KDM1A: variants seen among roughly 807,000 people sequenced by gnomAD.
KDM1A encodes the protein lysine demethylase 1A.
KDM1A carries 49 observed loss-of-function variants against 109.4 expected under a neutral mutation model. The observed-to-expected ratio is 0.45, with a 90% CI of 0.36 to 0.57. KDM1A has a LOEUF of 0.57. Among genes scored for constraint, KDM1A ranks in the 20% least tolerant of loss-of-function variants. KDM1A has a pLI of 0.00. For missense variants in KDM1A, 668 were observed against 1,116.6 expected, an observed-to-expected ratio of 0.60 and a Z score of 5.73; for synonymous variants, 380 against 415.4, an observed-to-expected ratio of 0.91 and a Z score of 1.04.
chr1:23,023,943 A>G (rs1641718805), intron 1 of KDM1A, among the ~76,000 whole-genome samples: 1 of 152,156 alleles, frequency 6.6e-6, no homozygotes, highest in African/African-American at 2.4e-5. Flanking sequence ...TCAACCTCCC[A>G]GGCTCAAGTG....
intron 9 of KDM1A, among the ~76,000 whole-genome samples, chr1:23,063,489 C>G (rs1439613023): frequency 6.6e-6 from 1 of 152,162 alleles, no homozygotes; most frequent in African/African-American, 2.4e-5. Flanking sequence ...GCTTTTGACA[C>G]AGGTCTGTTG....
At chr1:23,064,108 C>CA (rs1643095126) in intron 9 of KDM1A, among the ~76,000 whole-genome samples, 1 of 152,188 alleles carries the variant, frequency 6.6e-6, no homozygotes, top group Non-Finnish European at 1.5e-5. Context: ...AGGCTGGTCT[C>CA]AAACTCCTGG....
At chr1:23,020,122 GTC>G in intron 1 of KDM1A, 175 bp downstream of exon 1, 1 of 661,760 alleles carries the variant, frequency 1.5e-6, no homozygotes, top group Non-Finnish European at 2.2e-6. Flanking sequence ...GAAAGGAAAA[GTC>G]TTTGCCGGTG....
chr1:23,046,064 G>A (rs1353444418), intron 3 of KDM1A, among the ~76,000 whole-genome samples: 2 of 152,100 alleles, frequency 1.3e-5, no homozygotes, highest in African/African-American at 2.4e-5. Context: ...AGGTCATCTT[G>A]TCTAACTTCC....
Position 23,040,662 on chromosome 1 carries a change from C to G in KDM1A, c.518-3765C>G, listed in dbSNP as rs533991195. On this transcript the variant is annotated intron_variant, in intron 2 of 20. Coordinates refer to ENST00000400181, the MANE Select transcript of KDM1A (RefSeq NM_001009999.3). Reference sequence around the variant, plus strand: ...AATTAGCCAGGTATGGTGGTACATGCCTGTAGTCCTAGCTACTCAGGAGGC... The same window carrying G: ...AATTAGCCAGGTATGGTGGTACATGGCTGTAGTCCTAGCTACTCAGGAGGC... Among the ~76,000 whole-genome samples, 3 of 152,006 alleles carry G rather than the reference C, an allele frequency of 2.0e-5. No individual in the cohort carries two copies. In the South Asian group the frequency reaches 6.3e-4, roughly 32 times the overall value.
intron 7 of KDM1A, 86 bp downstream of exon 7, chr1:23,056,124 A>G (rs1321615844): frequency 5.7e-6 from 5 of 880,404 alleles, no homozygotes; most frequent in Non-Finnish European, 9.4e-6. Context: ...GAATTATACA[A>G]CTTGAACTAA....
At chr1:23,061,776 C>T (rs1419339681) in intron 9 of KDM1A, among the ~76,000 whole-genome samples, 1 of 152,026 alleles carries the variant, frequency 6.6e-6, no homozygotes, top group African/African-American at 2.4e-5. Flanking sequence ...CGTGCCTCAG[C>T]CTCCTGAGTA....
rs545399586 is a variant in KDM1A at position 23,049,087 on chromosome 1, G to C, written c.578-1300G>C. On this transcript the variant is annotated intron_variant, in intron 3 of 20. Transcript: ENST00000400181. The stretch of plus-strand genomic sequence containing the variant: ...GAATCGCCTGAACCCAGAAGGCAGA[G>C]GTTGCAGTGAGCCGAGATCGCGCTA... Among the ~76,000 whole-genome samples the C allele has an allele frequency of 9.4e-5, 14 of 149,176 alleles. No homozygotes were observed. The South Asian group carries it at 3.0e-3, about 32-fold the overall frequency.
intron 12 of KDM1A, among the ~76,000 whole-genome samples, chr1:23,070,822 A>C (rs984405856): frequency 1.7e-4 from 26 of 152,190 alleles, no homozygotes; most frequent in East Asian, 3.9e-4. Context: ...AAAAAAAACA[A>C]ACACACACAT....
At chr1:23,062,688 G>C (rs1262741349) in intron 9 of KDM1A, among the ~76,000 whole-genome samples, 1 of 152,130 alleles carries the variant, frequency 6.6e-6, no homozygotes, top group South Asian at 2.1e-4. Context: ...TCCTACATTT[G>C]TAGCTAGTAT....
At chr1:23,063,207 TGTGGTGTGGGGTGGGTGTGTGTGG>T (rs1643056902) in intron 9 of KDM1A, among the ~76,000 whole-genome samples, 1 of 28,592 alleles carries the variant, frequency 3.5e-5, no homozygotes, top group African/African-American at 1.1e-4. Context: ...GGGGGGGGGG[TGTGGTGTGGGGTGGGTGTGTGTGG>T]GTGTGTGTGT....
Position 23,079,072 on chromosome 1 carries a change from C to G in KDM1A, c.1950C>G (p.Pro650=). The change falls in exon 17 of 21, where the codon CCC becomes CCG. Residue 650 remains proline (P), a synonymous_variant. Coordinates refer to ENST00000400181, the MANE Select transcript of KDM1A (RefSeq NM_001009999.3). The surrounding 1 kb of genome is among the most constrained non-coding windows in gnomAD (Gnocchi z 5.6). The stretch of plus-strand genomic sequence containing the variant: ...GCGACGCAGTTCTCTGTACCCTTCC[C>G]CTGGGTGTGCTGAAGCAGCAGCCAC... ...YKCDAVLCTL[P]LGVLKQQPPA... The G allele has an allele frequency of 6.2e-7, 1 of 1,614,156 alleles. No homozygotes were observed. Among genetic ancestry groups the G allele is most frequent in the Non-Finnish European group, 8.5e-7 (1 of 1,180,008 alleles).
chr1:23,040,379 G>A (rs1389076873), intron 2 of KDM1A, among the ~76,000 whole-genome samples: 1 of 152,134 alleles, frequency 6.6e-6, no homozygotes, highest in Admixed American at 6.5e-5. Flanking sequence ...AACACTTCAC[G>A]CTTCAAGAAG....
intron 2 of KDM1A, among the ~76,000 whole-genome samples, chr1:23,040,933 A>G (rs1302213497): frequency 6.6e-6 from 1 of 152,156 alleles, no homozygotes; most frequent in Non-Finnish European, 1.5e-5. Flanking sequence ...GCTTTTGAAT[A>G]TTTTCATTTT....
intron 2 of KDM1A, among the ~76,000 whole-genome samples, chr1:23,038,751 T>C (rs961986104): frequency 6.6e-6 from 1 of 152,234 alleles, no homozygotes; most frequent in Non-Finnish European, 1.5e-5. Context: ...TATTGTTCTT[T>C]CAGCAGTTCA....
chr1:23,052,400 C>T (rs1642699802), intron 4 of KDM1A, among the ~76,000 whole-genome samples: 1 of 152,116 alleles, frequency 6.6e-6, no homozygotes, highest in South Asian at 2.1e-4. Context: ...AATCCATTTA[C>T]CTTACAGTGG....
chr1:23,044,094 C>T (rs1427990809), intron 2 of KDM1A, among the ~76,000 whole-genome samples: 1 of 152,064 alleles, frequency 6.6e-6, no homozygotes, highest in African/African-American at 2.4e-5. Flanking sequence ...GTCTAGCAGC[C>T]GTTAGTAAAA....
intron 2 of KDM1A, among the ~76,000 whole-genome samples, chr1:23,037,993 G>A (rs530797112): frequency 3.3e-5 from 5 of 152,242 alleles, no homozygotes; most frequent in South Asian, 4.1e-4. Context: ...GGATTTTCTC[G>A]TCTACAAAAT....
At chr1:23,051,246 C>G (rs1344356515) in intron 4 of KDM1A, among the ~76,000 whole-genome samples, 2 of 152,162 alleles carry the variant, frequency 1.3e-5, no homozygotes, top group Non-Finnish European at 2.9e-5. Flanking sequence ...TTTTGTCTGA[C>G]AGTTGGGTTA....
Sources: allele counts gnomAD v4.1 joint callset (sites outside exome capture counted in the v4.1 genomes callset), GRCh38; gene constraint gnomAD v4.1.1; non-coding constraint Gnocchi (gnomAD v3.1); transcripts MANE v1.5; gene names NCBI Gene and HGNC (gene_info 2026-07-23, HGNC 2026-07-21).